LRP1B: variants seen among roughly 807,000 people sequenced by gnomAD.
LRP1B encodes LDL receptor related protein 1B.
In LRP1B, 217 loss-of-function variants were observed where a neutral mutation model predicts 556.6. That is an observed-to-expected ratio of 0.39 (90% CI 0.35 to 0.44). The LOEUF (loss-of-function observed/expected upper bound fraction) is 0.44, where lower values mean the gene tolerates loss of function less well. Among genes scored for constraint, LRP1B ranks in the 20% least tolerant of loss-of-function variants. The probability of loss-of-function intolerance (pLI) is 1.00; values close to 1 mark genes in which losing one functional copy is unlikely to be tolerated. For synonymous variants in LRP1B, 2,047 were observed against 1,865.8 expected, an observed-to-expected ratio of 1.10 and a Z score of -2.50; for missense variants, 5,053 against 5,620.8, an observed-to-expected ratio of 0.90 and a Z score of 3.23.
In LRP1B at chr2:141,283,644, G is replaced by A. The variant is rs576645094; in HGVS notation, c.344-29003C>T. On this transcript the variant is annotated intron_variant, in intron 3 of 90. Transcript: ENST00000389484. ...TTTTTTTTTTTTTTTTTTTTGAGAC[G>A]CAGTGTAGTGGCGCGGTCTCGGCTC... Among the ~76,000 whole-genome samples the A allele has an allele frequency of 3.3e-3, 434 of 131,020 alleles. 2 individuals are homozygous for A. Among genetic ancestry groups the A allele is most frequent in the South Asian group, 5.5e-3 (23 of 4,154 alleles). 86.0% of individuals were successfully genotyped at this position (131,020 alleles called of 152,430 possible).
intron 3 of LRP1B, among the ~76,000 whole-genome samples, chr2:141,356,631 C>A (rs1213524868): frequency 1.3e-5 from 2 of 149,950 alleles, no homozygotes; most frequent in Non-Finnish European, 3.0e-5. Flanking sequence ...ACCTAGAATT[C>A]TTGTAGATAG....
At chr2:140,531,102 T>C (rs1690672401) in intron 47 of LRP1B, among the ~76,000 whole-genome samples, 1 of 152,166 alleles carries the variant, frequency 6.6e-6, no homozygotes, top group African/African-American at 2.4e-5. Context: ...TTACCACTTT[T>C]GAAAATATAC....
intron 7 of LRP1B, among the ~76,000 whole-genome samples, chr2:141,081,513 C>T: frequency 6.6e-6 from 1 of 152,200 alleles, no homozygotes; most frequent in East Asian, 1.9e-4. Context: ...TTCTAAGTAA[C>T]AGTTGGGGGT....
At chr2:142,121,399 T>C (rs917502976) in intron 1 of LRP1B, among the ~76,000 whole-genome samples, 1 of 152,162 alleles carries the variant, frequency 6.6e-6, no homozygotes, top group Admixed American at 6.6e-5. Flanking sequence ...CCTGACCTAA[T>C]CTGACTTCAC....
chr2:141,957,863 T>G (rs1341518584), intron 1 of LRP1B, among the ~76,000 whole-genome samples: 1 of 152,092 alleles, frequency 6.6e-6, no homozygotes, highest in African/African-American at 2.4e-5. Context: ...AAAATAACTG[T>G]GATTATCACT....
At chr2:141,711,573 A>G (rs1186552412) in intron 2 of LRP1B, among the ~76,000 whole-genome samples, 2 of 152,212 alleles carry the variant, frequency 1.3e-5, no homozygotes, top group African/African-American at 4.8e-5. Flanking sequence ...GGCTATCAAA[A>G]AATGCATCTG....
intron 35 of LRP1B, 94 bp from the exon 36 acceptor site, chr2:140,716,910 G>A (rs2105465371): frequency 1.7e-6 from 1 of 585,450 alleles, no homozygotes; most frequent in Admixed American, 3.0e-5. Context: ...TATCTTTTAG[G>A]ATATCATCCT....
intron 3 of LRP1B, among the ~76,000 whole-genome samples, chr2:141,432,719 T>G (rs75764074): frequency 0.017 from 2,657 of 152,138 alleles, 98 homozygotes; most frequent in African/African-American, 0.06. Flanking sequence ...GTTCTTATAA[T>G]TCTTTTTGTT....
chr2:141,663,705 T>C (rs1690310707), intron 2 of LRP1B, among the ~76,000 whole-genome samples: 1 of 151,902 alleles, frequency 6.6e-6, no homozygotes, highest in African/African-American at 2.4e-5. Context: ...AATAGCCTAC[T>C]AAACAAGAAA....
Position 140,925,207 on chromosome 2 carries a change from T to A in LRP1B, c.3137-2060A>T, listed in dbSNP as rs10084343. Among the ~76,000 whole-genome samples, 841 of 152,180 alleles carry A rather than the reference T, an allele frequency of 5.5e-3. 8 individuals carry two copies. Among genetic ancestry groups the A allele is most frequent in the African/African-American group, 0.019 (792 of 41,538 alleles). ...TCAGGGTCCTGAAACCAATCCCCAGTGTATATGGAGGAATGACTGTATGAC... is the reference window on the plus strand; with the variant it reads ...TCAGGGTCCTGAAACCAATCCCCAGAGTATATGGAGGAATGACTGTATGAC... On this transcript the variant is annotated intron_variant, in intron 20 of 90. Transcript: ENST00000389484.
chr2:141,084,710 T>C (rs6429862), intron 7 of LRP1B, among the ~76,000 whole-genome samples: 124,131 of 149,604 alleles, frequency 0.83, 51,774 homozygotes, highest in East Asian at 0.88. Flanking sequence ...AGTGCAGTGG[T>C]GCGATCTCGG....
intron 3 of LRP1B, among the ~76,000 whole-genome samples, chr2:141,370,690 T>C (rs1573868003): frequency 6.6e-6 from 1 of 152,308 alleles, no homozygotes; most frequent in East Asian, 1.9e-4. Context: ...TTTCCTGTGC[T>C]TTTGAAGTCT....
At chr2:141,450,167 G>A (rs894267107) in intron 3 of LRP1B, among the ~76,000 whole-genome samples, 2 of 152,130 alleles carry the variant, frequency 1.3e-5, no homozygotes, top group Non-Finnish European at 2.9e-5. Flanking sequence ...GAGATAGAAA[G>A]ATGTTACCAA....
At chr2:140,668,620 C>T (rs915241765) in intron 41 of LRP1B, among the ~76,000 whole-genome samples, 1 of 151,876 alleles carries the variant, frequency 6.6e-6, no homozygotes, top group Non-Finnish European at 1.5e-5. Context: ...AAATGTATTC[C>T]ACAAATGAAA....
intron 18 of LRP1B, among the ~76,000 whole-genome samples, chr2:140,964,046 G>C (rs1313753052): frequency 1.3e-5 from 2 of 152,192 alleles, no homozygotes; most frequent in Non-Finnish European, 2.9e-5. Flanking sequence ...CAAGGCAGAA[G>C]GGGCAGGGTA....
At chr2:140,735,256 C>A (rs1024298725) in intron 35 of LRP1B, among the ~76,000 whole-genome samples, 1 of 152,034 alleles carries the variant, frequency 6.6e-6, no homozygotes, top group South Asian at 2.1e-4. Context: ...ATGAGTCATG[C>A]CTTTGAAAAA....
chr2:142,077,396 T>C (rs570798465), intron 1 of LRP1B, among the ~76,000 whole-genome samples: 1 of 152,142 alleles, frequency 6.6e-6, no homozygotes, highest in Non-Finnish European at 1.5e-5. Flanking sequence ...CCCTGTAATC[T>C]AGCACAACTT....
intron 2 of LRP1B, among the ~76,000 whole-genome samples, chr2:141,511,059 G>T (rs1684113704): frequency 6.6e-6 from 1 of 152,112 alleles, no homozygotes; most frequent in Admixed American, 6.6e-5. Context: ...AGTAGCTAGA[G>T]CTTTAAACTC....
chr2:140,843,065 TTGTTTTTTTTTTTTTG>T (rs1692160941), intron 29 of LRP1B, among the ~76,000 whole-genome samples: 2 of 17,008 alleles, frequency 1.2e-4, no homozygotes, highest in South Asian at 5.1e-3. Context: ...GGTTTTTTTT[TTGTTTTTTTTTTTTTG>T]TTTGTTTTTT....
Sources: allele counts gnomAD v4.1 joint callset (sites outside exome capture counted in the v4.1 genomes callset), GRCh38; gene constraint gnomAD v4.1.1; transcripts MANE v1.5; gene names NCBI Gene and HGNC (gene_info 2026-07-23, HGNC 2026-07-21).